Variants in RP1 observed in about 807,000 individuals in gnomAD.
RP1 encodes the protein oxygen-regulated protein 1.
Under a neutral mutation model 14.8 loss-of-function variants are expected in RP1, and 16 were observed. The observed-to-expected ratio is 1.08, with a 90% confidence interval of 0.73 to 1.65. RP1 has a LOEUF of 1.65. Among genes scored for constraint, RP1 ranks in the 40% most tolerant of loss-of-function variants. The pLI is 0.00. For synonymous variants in RP1, 876 were observed against 883.6 expected, an observed-to-expected ratio of 0.99 and a Z score of 0.15; for missense variants, 2,631 against 2,535.0, an observed-to-expected ratio of 1.04 and a Z score of -0.81.
In RP1 at chr8:54,849,711, T is replaced by C. The variant is rs976810165; in HGVS notation, c.3836-2863T>C. On this transcript the variant is annotated intron_variant, in intron 25 of 28. Transcript: ENST00000637698. ...GATTTTTGTGCCACTAATAAGATCATATAAATCTTATTTATGTAGTCTGCA... is the reference window on the plus strand; with the variant it reads ...GATTTTTGTGCCACTAATAAGATCACATAAATCTTATTTATGTAGTCTGCA... Among the ~76,000 whole-genome samples the C allele has an allele frequency of 5.3e-5, 8 of 152,324 alleles. No homozygotes were observed. In the Middle Eastern group the frequency reaches 0.01, roughly 194 times the overall value.
At chr8:54,562,137 C>T (rs1335401277) in intron 1 of RP1, among the ~76,000 whole-genome samples, 2 of 152,152 alleles carry the variant, frequency 1.3e-5, no homozygotes, top group Non-Finnish European at 2.9e-5. Flanking sequence ...CCTTTAAAAA[C>T]TCAGCAGCTT....
intron 3 of RP1, among the ~76,000 whole-genome samples, chr8:54,635,948 C>T (rs1342616927): frequency 6.6e-6 from 1 of 152,170 alleles, no homozygotes; most frequent in African/African-American, 2.4e-5. Context: ...AAAGTTCTGT[C>T]TCACAACCTC....
chr8:54,700,225 T>C (rs966566125), intron 13 of RP1, among the ~76,000 whole-genome samples: 1 of 151,788 alleles, frequency 6.6e-6, no homozygotes, highest in Non-Finnish European at 1.5e-5. Context: ...TTTTTTTTTT[T>C]GAGACAAGGT....
intron 24 of RP1, among the ~76,000 whole-genome samples, chr8:54,790,690 C>G (rs970369118): frequency 6.6e-6 from 1 of 151,900 alleles, no homozygotes; most frequent in Non-Finnish European, 1.5e-5. Flanking sequence ...CTGAAGAATA[C>G]AGTGAATGAA....
intron 1 of RP1, among the ~76,000 whole-genome samples, chr8:54,569,953 A>T (rs1160740265): frequency 6.6e-6 from 1 of 152,082 alleles, no homozygotes; most frequent in Non-Finnish European, 1.5e-5. Flanking sequence ...GACGAGTGGG[A>T]GTATGGAGAG....
At chr8:54,782,618 A>G (rs146545398) in intron 23 of RP1, among the ~76,000 whole-genome samples, 181 of 152,314 alleles carry the variant, frequency 1.2e-3, no homozygotes, top group Non-Finnish European at 1.8e-3. Context: ...TGCACTGCAC[A>G]GAGTTCTAAC....
At chr8:54,612,658 C>A (rs568929156), upstream of RP1, among the ~76,000 whole-genome samples, 1 of 152,172 alleles carries the variant, frequency 6.6e-6, no homozygotes, top group South Asian at 2.1e-4. Flanking sequence ...TTCTCAAAAT[C>A]CTTCCTTGGT....
At chr8:54,842,433 T>C (rs1447180914) in intron 25 of RP1, among the ~76,000 whole-genome samples, 1 of 152,228 alleles carries the variant, frequency 6.6e-6, no homozygotes, top group Non-Finnish European at 1.5e-5. Flanking sequence ...GCAGTGTCAG[T>C]GAAGACCTTT....
intron 24 of RP1, among the ~76,000 whole-genome samples, chr8:54,824,880 AAACTCTC>A (rs1157134274): frequency 6.6e-6 from 1 of 152,218 alleles, no homozygotes; most frequent in Non-Finnish European, 1.5e-5. Flanking sequence ...ATAATTTTTA[AAACTCTC>A]AGAAAAAATG....
chr8:54,657,617 G>A (rs1263868329), intron 6 of RP1, among the ~76,000 whole-genome samples: 2 of 152,110 alleles, frequency 1.3e-5, no homozygotes, highest in Non-Finnish European at 2.9e-5. Flanking sequence ...CTCTTCACTA[G>A]AGGTAGACAC....
At chr8:54,737,315 G>T (rs1190228012) in intron 18 of RP1, among the ~76,000 whole-genome samples, 1 of 152,174 alleles carries the variant, frequency 6.6e-6, no homozygotes, top group Non-Finnish European at 1.5e-5. Flanking sequence ...GTGGCAGTTA[G>T]TTCTGCTCTT....
chr8:54,809,304 T>C (rs1810932571), intron 24 of RP1, among the ~76,000 whole-genome samples: 1 of 152,236 alleles, frequency 6.6e-6, no homozygotes, highest in Admixed American at 6.5e-5. Flanking sequence ...TTCTCTTTCT[T>C]CATTCTGTGA....
chr8:54,576,131 C>T (rs1804635772), intron 1 of RP1, among the ~76,000 whole-genome samples: 2 of 151,790 alleles, frequency 1.3e-5, no homozygotes, highest in South Asian at 2.1e-4. Flanking sequence ...AGCTCCGCCT[C>T]CCAGGTTCAC....
chr8:54,766,829 G>T (rs1207016020), intron 22 of RP1, among the ~76,000 whole-genome samples: 1 of 152,156 alleles, frequency 6.6e-6, no homozygotes, highest in Non-Finnish European at 1.5e-5. Flanking sequence ...GTGACCTAGG[G>T]GTTTAGGCAT....
At chr8:54,792,087 G>A (rs568313043) in intron 24 of RP1, among the ~76,000 whole-genome samples, 270 of 151,922 alleles carry the variant, frequency 1.8e-3, no homozygotes, top group African/African-American at 5.4e-3. Context: ...ACCTTAAGCC[G>A]AAAACTGTCA....
At chr8:54,600,279 A>G (rs1245718610) in intron 1 of RP1, among the ~76,000 whole-genome samples, 1 of 152,130 alleles carries the variant, frequency 6.6e-6, no homozygotes, top group Non-Finnish European at 1.5e-5. Context: ...CCCTTCCTTC[A>G]TCTTCTGCCA....
chr8:54,609,023 T>C (rs116255353), intron 1 of RP1, among the ~76,000 whole-genome samples: 311 of 152,278 alleles, frequency 2.0e-3, no homozygotes, highest in Admixed American at 5.7e-3. Context: ...GGGCTGGGGA[T>C]ACCCAGGTTC....
downstream of RP1, among the ~76,000 whole-genome samples, chr8:54,771,542 A>G (rs940183842): frequency 1.3e-5 from 2 of 152,026 alleles, no homozygotes; most frequent in African/African-American, 4.8e-5. Context: ...AAATTAAGCT[A>G]TTTTAAAATG....
intron 8 of RP1, chr8:54,678,442 T>C (rs1807348021): frequency 2.6e-6 from 4 of 1,527,750 alleles, no homozygotes; most frequent in Middle Eastern, 3.5e-4. Context: ...CACATTTTCA[T>C]TCTTTAATTT....
Sources: gnomAD v4.1 joint callset for allele counts (sites outside exome capture counted in the v4.1 genomes callset) on GRCh38, gnomAD v4.1.1 for gene constraint, MANE v1.5 for transcripts, NCBI Gene and HGNC (gene_info 2026-07-23, HGNC 2026-07-21) for gene names.